Variants in TMEM131 observed in about 807,000 individuals in gnomAD.
TMEM131 encodes the protein transmembrane protein 131, also known as 2610524E03Rik.
TMEM131 carries 66 observed loss-of-function variants against 211.6 expected under a neutral mutation model. The ratio of observed to expected loss-of-function variants is 0.31; its 90% CI spans 0.26 to 0.38. The LOEUF (loss-of-function observed/expected upper bound fraction) is 0.38. Ranked by LOEUF, TMEM131 falls within the 10% of genes least tolerant of loss-of-function variation. The probability of loss-of-function intolerance (pLI) is 1.00; values close to 1 mark genes in which losing one functional copy is unlikely to be tolerated. For missense variants in TMEM131, 2,036 were observed against 2,299.3 expected (o/e 0.89, Z 2.34); for synonymous variants, 844 against 841.3 (o/e 1.00, Z -0.06).
chr2:97,777,929 G>T (rs1266181127), intron 31 of TMEM131, among the ~76,000 whole-genome samples: 4 of 152,200 alleles, frequency 2.6e-5, no homozygotes, highest in African/African-American at 7.2e-5. Context: ...TAGACAGGAA[G>T]GGGAGTGTCC....
chr2:97,956,950 T>G (rs1678593856), intron 1 of TMEM131, among the ~76,000 whole-genome samples: 1 of 151,936 alleles, frequency 6.6e-6, no homozygotes, highest in South Asian at 2.1e-4. Flanking sequence ...ATACAAAAAT[T>G]AGCCGGTGTG....
intron 1 of TMEM131, among the ~76,000 whole-genome samples, chr2:97,963,324 T>C (rs10184552): frequency 0.35 from 52,933 of 152,084 alleles, 10,020 homozygotes; most frequent in Middle Eastern, 0.49. Flanking sequence ...TTTTATTAAT[T>C]TCTTGTATGT....
At chr2:97,935,649 G>T (rs1322535491) in intron 1 of TMEM131, among the ~76,000 whole-genome samples, 1 of 151,914 alleles carries the variant, frequency 6.6e-6, no homozygotes, top group African/African-American at 2.4e-5. Context: ...AAACAAAATA[G>T]CACAGAAGAA....
intron 1 of TMEM131, among the ~76,000 whole-genome samples, chr2:97,952,981 G>A (rs1175409590): frequency 2.0e-5 from 3 of 152,154 alleles, no homozygotes; most frequent in African/African-American, 7.2e-5. Context: ...GTAACATAAA[G>A]GTATTAGCAA....
In TMEM131 at chr2:97,802,853, A is replaced by G; in HGVS notation, c.2403-63T>C. 2.2e-6 allele frequency: 3 copies of G among 1,372,484 alleles called. No homozygotes were observed. In the South Asian group the frequency reaches 4.3e-5, roughly 20 times the overall value. The allele number at this position is 1,372,484 out of a possible 1,614,324, so 85.0% of individuals were successfully genotyped here. A position where few individuals can be genotyped will look rare whatever the true frequency, so the allele number is the denominator to read the frequency against. On this transcript the variant is annotated intron_variant, in intron 22 of 40. Coordinates refer to ENST00000186436, the MANE Select transcript of TMEM131 (RefSeq NM_015348.2). ...AATATTTGAGTCTTCTGAACATAAG[A>G]AATTCAATTAGGCTTATGTACTTGA...
intron 2 of TMEM131, among the ~76,000 whole-genome samples, chr2:97,926,974 G>A (rs932022446): frequency 1.1e-4 from 17 of 152,120 alleles, no homozygotes; most frequent in Admixed American, 3.3e-4. Flanking sequence ...GTTCCCATAG[G>A]TTCTCCAAGT....
At chr2:97,964,527 G>A (rs993257718) in intron 1 of TMEM131, among the ~76,000 whole-genome samples, 18 of 152,070 alleles carry the variant, frequency 1.2e-4, no homozygotes, top group Non-Finnish European at 2.4e-4. Flanking sequence ...ACTAAGAATT[G>A]GATCTATTTT....
chr2:97,823,227 A>G (rs1682212331), intron 11 of TMEM131, among the ~76,000 whole-genome samples: 1 of 152,170 alleles, frequency 6.6e-6, no homozygotes, highest in Admixed American at 6.5e-5. Context: ...AAACAAGCAA[A>G]GAAATCTCCA....
At chr2:97,829,138 C>T (rs1270938390) in intron 11 of TMEM131, among the ~76,000 whole-genome samples, 2 of 152,172 alleles carry the variant, frequency 1.3e-5, no homozygotes, top group Non-Finnish European at 2.9e-5. Flanking sequence ...GCCCAATTCC[C>T]AACAGCAGTT....
In TMEM131 at chr2:97,797,287, T is replaced by C. The variant is rs1200929589; in HGVS notation, c.2870+78A>G. On this transcript the variant is annotated intron_variant, in intron 26 of 40. Transcript: ENST00000186436. ...TTCAAACTATTTCATAAGTTAGACA[T>C]GCAAATTCATCTTAAAACAAGTGAG... 3 of 1,330,598 alleles carry C rather than the reference T, an allele frequency of 2.3e-6. No homozygotes were observed. The Admixed American group carries it at 6.9e-5, about 31-fold the overall frequency. The allele number at this position is 1,330,598 out of a possible 1,614,324, so 82.4% of individuals were successfully genotyped here.
chr2:97,875,604 G>T (rs1189331241), intron 4 of TMEM131, among the ~76,000 whole-genome samples: 7 of 152,154 alleles, frequency 4.6e-5, no homozygotes, highest in Admixed American at 4.6e-4. Flanking sequence ...TGAACAACCT[G>T]CTCCTGAATG....
At chr2:97,924,053 C>T (rs903895510) in intron 2 of TMEM131, among the ~76,000 whole-genome samples, 10 of 151,754 alleles carry the variant, frequency 6.6e-5, no homozygotes, top group African/African-American at 2.2e-4. Context: ...GCGCTCCAGC[C>T]TGGGTGACAG....
chr2:97,934,172 T>G (rs866592740), intron 1 of TMEM131, among the ~76,000 whole-genome samples: 8 of 152,300 alleles, frequency 5.3e-5, no homozygotes, highest in South Asian at 2.1e-4. Flanking sequence ...ATAGCAAAGT[T>G]GCAGAATACA....
At chr2:97,863,092 G>T (rs1674132119) in intron 4 of TMEM131, among the ~76,000 whole-genome samples, 1 of 152,118 alleles carries the variant, frequency 6.6e-6, no homozygotes, top group African/African-American at 2.4e-5. Flanking sequence ...TACTTAAAGT[G>T]CTGAAGGCAA....
rs576633195 is a variant in TMEM131 at position 97,985,947 on chromosome 2, T to A, written c.187+9529A>T. Among the ~76,000 whole-genome samples the A allele has an allele frequency of 8.2e-3, 1,133 of 137,622 alleles. 19 individuals are homozygous for A. Among genetic ancestry groups the A allele is most frequent in the African/African-American group, 0.028 (1,062 of 37,626 alleles). 90.3% of individuals were successfully genotyped at this position (137,622 alleles called of 152,430 possible). ...AGGTATCAGAAAGGCAGAAACCATT[T>A]AAAAAAAAAAAAGAGAGTTGCCTGA... On this transcript the variant is annotated intron_variant, in intron 1 of 40. Transcript: ENST00000186436.
chr2:97,901,938 G>C (rs1055417938), intron 3 of TMEM131, among the ~76,000 whole-genome samples: 4 of 152,150 alleles, frequency 2.6e-5, no homozygotes, highest in Non-Finnish European at 5.9e-5. Context: ...AAAGTCACTA[G>C]AAGAGAAGAT....
chr2:97,814,866 A>G (rs1419526494), intron 13 of TMEM131, among the ~76,000 whole-genome samples: 1 of 152,200 alleles, frequency 6.6e-6, no homozygotes, highest in Non-Finnish European at 1.5e-5. Context: ...AAATACTTTA[A>G]TAATAGGCCA....
At chr2:97,933,778 A>G (rs957253137) in intron 1 of TMEM131, among the ~76,000 whole-genome samples, 6 of 152,166 alleles carry the variant, frequency 3.9e-5, no homozygotes, top group Non-Finnish European at 8.8e-5. Flanking sequence ...TCACCCCATC[A>G]ACAGGCTAAA....
chr2:97,810,272 A>T (rs555052698), intron 18 of TMEM131, among the ~76,000 whole-genome samples: 4 of 152,064 alleles, frequency 2.6e-5, no homozygotes, highest in Non-Finnish European at 5.9e-5. Flanking sequence ...ACTGTTAGTA[A>T]CTCTCAAAGC....
Sources: gnomAD v4.1 joint callset for allele counts (sites outside exome capture counted in the v4.1 genomes callset) on GRCh38, gnomAD v4.1.1 for gene constraint, MANE v1.5 for transcripts, NCBI Gene and HGNC (gene_info 2026-07-23, HGNC 2026-07-21) for gene names.